TLE6: variants seen among roughly 807,000 people sequenced by gnomAD.
TLE6 encodes transducin-like enhancer protein 6.
Under a neutral mutation model 77.1 loss-of-function variants are expected in TLE6, and 72 were observed. The ratio of observed to expected loss-of-function variants is 0.93; its 90% CI spans 0.77 to 1.14. The LOEUF is 1.14. Among genes scored for constraint, TLE6 ranks in the 50% most tolerant of loss-of-function variants. The pLI, the probability that TLE6 is intolerant of heterozygous loss-of-function variation, is 0.00. For missense variants in TLE6, 843 were observed against 747.6 expected, an observed-to-expected ratio of 1.13 and a Z score of -1.49; for synonymous variants, 366 against 287.3, an observed-to-expected ratio of 1.27 and a Z score of -2.77.
intron 13 of TLE6, among the ~76,000 whole-genome samples, chr19:2,990,652 AATACATAAATATATACATAAATAT>A (rs746814668): frequency 3.7e-4 from 29 of 78,416 alleles, no homozygotes; most frequent in African/African-American, 1.3e-3. Flanking sequence ...TATATATATA[AATACATAAATATATACATAAATAT>A]ATACATAAAT....
Position 2,991,838 on chromosome 19 carries a change from G to A in TLE6, c.1245-5G>A. ...TGATTGCCTCCCGATGTCCCTTCTG[G>A]CCAGGGACCTCAAGGGTTATCCTGA... On this transcript the variant is annotated splice_polypyrimidine_tract_variant and splice_region_variant and intron_variant, in intron 13 of 16. Transcript: ENST00000246112. 1 of 1,613,490 alleles carries A rather than the reference G, an allele frequency of 6.2e-7. No individual in the cohort carries two copies. The highest frequency in any genetic ancestry group is 8.5e-7 in the Non-Finnish European group (1 of 1,179,736).
At chr19:2,983,017 C>T (rs1456962788) in intron 5 of TLE6, among the ~76,000 whole-genome samples, 2 of 152,126 alleles carry the variant, frequency 1.3e-5, no homozygotes, top group South Asian at 2.1e-4. Flanking sequence ...AGAAGTACGC[C>T]TTCCAGCCCT....
At chr19:2,987,540 C>T (rs1046031921) in intron 8 of TLE6, 168 bp downstream of exon 8, 17 of 1,136,994 alleles carry the variant, frequency 1.5e-5, no homozygotes, top group Non-Finnish European at 2.1e-5. Flanking sequence ...ACTGGAGTAG[C>T]CCAGGACCCA....
rs375035546 is a variant in TLE6, at chr19:2,989,161, C to T, written c.841C>T (p.Arg281Trp). ...LAVPCKLEKM[R>W]ILAHGELVLA... Reference sequence around the variant, plus strand: ...CGTCCCGTGCAAACTGGAAAAGATGCGGATCTTGGCACACGGGGAGCTCGT... The same window carrying T: ...CGTCCCGTGCAAACTGGAAAAGATGTGGATCTTGGCACACGGGGAGCTCGT... Residue 281 changes from arginine to tryptophan, a missense_variant, in exon 12 of 17, where the codon CGG (arginine) becomes TGG (tryptophan). Physicochemically the swap from Arg to Trp is moderately radical, Grantham distance 101. Coordinates refer to ENST00000246112, the MANE Select transcript of TLE6 (RefSeq NM_001143986.2). The T allele has an allele frequency of 8.7e-6, 14 of 1,614,034 alleles. No individual in the cohort carries two copies. Among genetic ancestry groups the T allele is most frequent in the Admixed American group, 8.3e-5 (5 of 60,000 alleles).
chr19:2,983,191 C>G (rs1054516601), intron 5 of TLE6, among the ~76,000 whole-genome samples: 13 of 152,102 alleles, frequency 8.5e-5, no homozygotes, highest in Non-Finnish European at 1.9e-4. Flanking sequence ...AGGAAGCAAC[C>G]AAAACATGGT....
chr19:2,987,612 C>A, intron 8 of TLE6, 112 bp from the exon 9 acceptor site: 1 of 1,309,976 alleles, frequency 7.6e-7, no homozygotes, highest in Non-Finnish European at 1.1e-6. Flanking sequence ...CCTGGACCCG[C>A]AGACAGGACC....
intron 11 of TLE6, among the ~76,000 whole-genome samples, chr19:2,988,591 G>A (rs561727887): frequency 7.2e-5 from 11 of 152,054 alleles, no homozygotes; most frequent in South Asian, 6.2e-4. Context: ...GCAAGACTCC[G>A]TCTCAAAAAA....
At position 2,995,065 on chromosome 19, in the gene TLE6, C is replaced by CCT; in HGVS notation, c.*62_*63insTC. On this transcript the variant is annotated 3_prime_UTR_variant, in exon 17 of 17. Coordinates refer to ENST00000246112, the MANE Select transcript of TLE6 (RefSeq NM_001143986.2). ...TTTTCATCCCCCCCCTTCCCCCCCCCCAACAAGGGGGACATGGTGGAGGGA... is the reference window on the plus strand; with the variant it reads ...TTTTCATCCCCCCCCTTCCCCCCCCCCTCAACAAGGGGGACATGGTGGAGGGA... 9.8e-7 allele frequency: 1 copy of CCT among 1,025,532 alleles called. No homozygotes were observed. The highest frequency in any genetic ancestry group is 2.0e-5 in the Admixed American group (1 of 48,930). The allele number at this position is 1,025,532 out of a possible 1,614,324, so 63.5% of individuals were successfully genotyped here. A position where few individuals can be genotyped will look rare whatever the true frequency, so the allele number is the denominator to read the frequency against.
At chr19:2,980,912 G>A (rs1283999087) in intron 3 of TLE6, among the ~76,000 whole-genome samples, 1 of 151,778 alleles carries the variant, frequency 6.6e-6, no homozygotes, top group African/African-American at 2.4e-5. Context: ...CTAGCTGAGT[G>A]TGGTGGTGCA....
chr19:2,994,881 C>T lies in TLE6; in HGVS notation c.1615-19C>T, dbSNP rs760872495. 1.8e-5 allele frequency: 28 copies of T among 1,519,174 alleles called. No homozygotes were observed. The highest frequency in any genetic ancestry group is 2.3e-5 in the Non-Finnish European group (25 of 1,109,592). 94.1% of individuals were successfully genotyped at this position (1,519,174 alleles called of 1,614,324 possible). A position where few individuals can be genotyped will look rare whatever the true frequency, so the allele number is the denominator to read the frequency against. On this transcript the variant is annotated intron_variant, in intron 16 of 16. Coordinates refer to ENST00000246112, the MANE Select transcript of TLE6 (RefSeq NM_001143986.2). ...GTGTGAGCCCTACCCCAGCTCACTGCCCACTGCCCCCCCTCCAGGTGCCTG... is the reference window on the plus strand; with the variant it reads ...GTGTGAGCCCTACCCCAGCTCACTGTCCACTGCCCCCCCTCCAGGTGCCTG...
chr19:2,995,062 C>CCA lies in TLE6; in HGVS notation c.*59_*60insAC, dbSNP rs1421258826. 7.8e-6 allele frequency: 8 copies of CCA among 1,029,388 alleles called. No homozygotes were observed. The African/African-American group carries it at 7.9e-5, about 10-fold the overall frequency. 63.8% of individuals were successfully genotyped at this position (1,029,388 alleles called of 1,614,324 possible). On this transcript the variant is annotated 3_prime_UTR_variant, in exon 17 of 17. Coordinates refer to ENST00000246112, the MANE Select transcript of TLE6 (RefSeq NM_001143986.2). ...CTCTTTTCATCCCCCCCCTTCCCCC[C>CCA]CCCCAACAAGGGGGACATGGTGGAG...
chr19:2,983,173 G>A (rs1266326957), intron 5 of TLE6, among the ~76,000 whole-genome samples: 1 of 152,116 alleles, frequency 6.6e-6, no homozygotes, highest in Non-Finnish European at 1.5e-5. Flanking sequence ...ACAGGGTGAG[G>A]GGGGGCCAGG....
At chr19:2,988,940 A>T in intron 11 of TLE6, 121 bp from the exon 12 acceptor site, 1 of 1,429,368 alleles carries the variant, frequency 7.0e-7, no homozygotes, top group Non-Finnish European at 9.5e-7. Flanking sequence ...AGGGTAAAAC[A>T]AGGCCTGAGA....
intron 2 of TLE6, among the ~76,000 whole-genome samples, chr19:2,978,967 T>C (rs1053884731): frequency 2.6e-5 from 4 of 152,142 alleles, no homozygotes; most frequent in African/African-American, 9.7e-5. Flanking sequence ...GATTTTATTA[T>C]GTTTGAGACG....
chr19:2,990,304 A>G (rs1306484336), intron 13 of TLE6, among the ~76,000 whole-genome samples: 2 of 151,744 alleles, frequency 1.3e-5, no homozygotes, highest in Non-Finnish European at 2.9e-5. Context: ...CTATTTAAAA[A>G]TATGTATATA....
intron 2 of TLE6, 56 bp from the exon 3 acceptor site, chr19:2,980,044 G>A: frequency 7.1e-7 from 1 of 1,406,446 alleles, no homozygotes; most frequent in South Asian, 1.2e-5. Flanking sequence ...GGAGACCGGG[G>A]GTCTTGGGTG....
At chr19:2,981,452 C>A in intron 3 of TLE6, 86 bp from the exon 4 acceptor site, 1 of 1,451,962 alleles carries the variant, frequency 6.9e-7, no homozygotes, top group Non-Finnish European at 9.4e-7. Context: ...TCATTGAGAC[C>A]CTCCCTAGGG....
At chr19:2,987,397 C>G in intron 8 of TLE6, 25 bp downstream of exon 8, 1 of 1,613,046 alleles carries the variant, frequency 6.2e-7, no homozygotes, top group East Asian at 2.2e-5. Flanking sequence ...TCAGCTCTAT[C>G]CAGAGGGGTG....
intron 14 of TLE6, among the ~76,000 whole-genome samples, chr19:2,993,194 G>A (rs1354862810): frequency 6.6e-6 from 1 of 152,216 alleles, no homozygotes; most frequent in Non-Finnish European, 1.5e-5. Flanking sequence ...CCCGGCAACA[G>A]AGCGAGACTC....
Sources: allele counts gnomAD v4.1 joint callset (sites outside exome capture counted in the v4.1 genomes callset), GRCh38; gene constraint gnomAD v4.1.1; transcripts MANE v1.5; gene names NCBI Gene and HGNC (gene_info 2026-07-23, HGNC 2026-07-21).